Variants in SORL1 observed in about 807,000 individuals in gnomAD.
The protein encoded by SORL1 is sortilin-related receptor.
SORL1 carries 127 observed loss-of-function variants against 273.7 expected under a neutral mutation model. The observed-to-expected ratio is 0.46, with a 90% confidence interval of 0.40 to 0.54. The LOEUF is 0.54. Ranked by LOEUF, SORL1 falls within the 20% of genes least tolerant of loss-of-function variation. The pLI is 0.00. For synonymous variants in SORL1, 1,031 were observed against 1,067.4 expected (o/e 0.97, Z 0.66); for missense variants, 2,494 against 2,846.1 (o/e 0.88, Z 2.81).
intron 31 of SORL1, among the ~76,000 whole-genome samples, chr11:121,591,465 C>A (rs1863213631): frequency 6.6e-6 from 1 of 152,222 alleles, no homozygotes; most frequent in Non-Finnish European, 1.5e-5. Flanking sequence ...ACCTTTGCTG[C>A]CTTCTTAGTG....
chr11:121,584,369 A>G lies in SORL1; in HGVS notation c.3706+786A>G, dbSNP rs192706755. On this transcript the variant is annotated intron_variant, in intron 26 of 47. Coordinates refer to ENST00000260197, the MANE Select transcript of SORL1 (RefSeq NM_003105.6). Reference sequence around the variant, plus strand: ...TGTTTGCCTCATGTAGTTTTGATTTATACCTCTTTTAAAATACTTTTTCTA... The same window carrying G: ...TGTTTGCCTCATGTAGTTTTGATTTGTACCTCTTTTAAAATACTTTTTCTA... Among the ~76,000 whole-genome samples the G allele has an allele frequency of 2.6e-3, 400 of 152,314 alleles. 2 individuals are homozygous for G. The highest frequency in any genetic ancestry group is 4.6e-3 in the Non-Finnish European group (316 of 68,028).
rs543731384 is a variant in SORL1 at position 121,627,443 on chromosome 11, G to A, written c.6365-112G>A. 1 of 805,114 alleles carries A rather than the reference G, an allele frequency of 1.2e-6. No individual in the cohort carries two copies. Among genetic ancestry groups the A allele is most frequent in the African/African-American group, 1.7e-5 (1 of 59,150 alleles). 49.9% of individuals were successfully genotyped at this position (805,114 alleles called of 1,614,324 possible). On this transcript the variant is annotated intron_variant, in intron 46 of 47. Transcript: ENST00000260197. The surrounding 1 kb of genome is among the most constrained non-coding windows in gnomAD (Gnocchi z 4.9). Reference sequence around the variant, plus strand: ...ACGTCTCACACCAGACAGGCAGTTTGTGTAGCTGTGGCTATCGCCCAGCTT... The same window carrying A: ...ACGTCTCACACCAGACAGGCAGTTTATGTAGCTGTGGCTATCGCCCAGCTT...
At chr11:121,475,117 G>A (rs896037675) in intron 2 of SORL1, among the ~76,000 whole-genome samples, 7 of 151,984 alleles carry the variant, frequency 4.6e-5, no homozygotes, top group Non-Finnish European at 7.4e-5. Flanking sequence ...GCATGGTGGC[G>A]CCTGCCTGTA....
intron 45 of SORL1, among the ~76,000 whole-genome samples, chr11:121,624,375 T>G (rs977177010): frequency 2.6e-5 from 4 of 152,178 alleles, no homozygotes; most frequent in African/African-American, 9.7e-5. Context: ...GAAGTCAGGT[T>G]GTCAGCCCTC....
At chr11:121,541,920 A>G (rs931194517) in intron 12 of SORL1, among the ~76,000 whole-genome samples, 7 of 152,194 alleles carry the variant, frequency 4.6e-5, no homozygotes, top group African/African-American at 1.4e-4. Context: ...GACTTTCCTC[A>G]GTATATACTT....
At chr11:121,566,794 C>T (rs534631852) in intron 21 of SORL1, 146 bp from the exon 22 acceptor site, 15 of 691,152 alleles carry the variant, frequency 2.2e-5, no homozygotes, top group Non-Finnish European at 3.1e-5. Context: ...GCACAGTAGG[C>T]GCCCCAAAGC....
chr11:121,623,479 GA>G (rs1374556818), intron 45 of SORL1, among the ~76,000 whole-genome samples: 1 of 152,240 alleles, frequency 6.6e-6, no homozygotes, highest in East Asian at 1.9e-4. Flanking sequence ...ATGACAGCAA[GA>G]AAGAGGAAAC....
intron 3 of SORL1, among the ~76,000 whole-genome samples, chr11:121,484,834 A>C (rs191655937): frequency 6.6e-6 from 1 of 152,156 alleles, no homozygotes; most frequent in East Asian, 1.9e-4. Context: ...GCTCATTGCA[A>C]CCTCTGTCTC....
intron 6 of SORL1, among the ~76,000 whole-genome samples, chr11:121,500,023 T>C (rs1483532938): frequency 2.6e-5 from 4 of 152,238 alleles, no homozygotes. Flanking sequence ...GGCTTTATAA[T>C]GTGCTTTGTA....
At position 121,470,068 on chromosome 11, in the gene SORL1, T is replaced by C. The variant is rs777852927; in HGVS notation, c.347T>C (p.Val116Ala). 1.9e-6 allele frequency: 3 copies of C among 1,614,178 alleles called. No individual in the cohort carries two copies. Among genetic ancestry groups the C allele is most frequent in the Non-Finnish European group, 2.5e-6 (3 of 1,180,014 alleles). ...CACTGGGCTGGAGAGAAAAGCAACG[T>C]GATCGTGGCCTTGGCCCGAGATAGC... ...VVHWAGEKSN[V>A]IVALARDSLA... is the part of the protein sequence containing the mutation. Residue 116 changes from valine (V) to alanine (A), a missense_variant, in exon 2 of 48, where the codon GTG (valine) becomes GCG (alanine). This residue lies in a region of SORL1 where 710 missense variants were observed against 882.5 expected (regional missense o/e 0.80). Coordinates refer to ENST00000260197, the MANE Select transcript of SORL1 (RefSeq NM_003105.6).
At chr11:121,525,458 G>A (rs1162271610) in intron 11 of SORL1, among the ~76,000 whole-genome samples, 1 of 152,132 alleles carries the variant, frequency 6.6e-6, no homozygotes, top group East Asian at 1.9e-4. Flanking sequence ...TAAATACTTA[G>A]GAATGGAATA....
chr11:121,487,420 G>A (rs943690352), intron 3 of SORL1, among the ~76,000 whole-genome samples: 6 of 152,194 alleles, frequency 3.9e-5, no homozygotes, highest in Non-Finnish European at 7.3e-5. Flanking sequence ...GATGAGGCCC[G>A]TGCTCACCAG....
intron 8 of SORL1, among the ~76,000 whole-genome samples, chr11:121,517,396 G>A (rs150519984): frequency 9.9e-5 from 15 of 152,272 alleles, no homozygotes; most frequent in East Asian, 7.7e-4. Context: ...AGGTTCATCC[G>A]TGAGTACCAT....
chr11:121,465,031 A>G (rs1337521793), intron 1 of SORL1, among the ~76,000 whole-genome samples: 6 of 152,340 alleles, frequency 3.9e-5, no homozygotes, highest in East Asian at 3.9e-4. Flanking sequence ...TATATTTCAC[A>G]TTACATAAAA....
At chr11:121,514,463 C>G in intron 8 of SORL1, 142 bp downstream of exon 8, 4 of 776,934 alleles carry the variant, frequency 5.1e-6, no homozygotes, top group African/African-American at 1.8e-5. Flanking sequence ...GGCTCACGTG[C>G]GCAGAGATCA....
chr11:121,516,812 G>T (rs889777164), intron 8 of SORL1, among the ~76,000 whole-genome samples: 1 of 152,086 alleles, frequency 6.6e-6, no homozygotes, highest in African/African-American at 2.4e-5. Flanking sequence ...CCAGCACTTT[G>T]GGAGGCCAAG....
intron 12 of SORL1, among the ~76,000 whole-genome samples, chr11:121,538,683 T>A (rs140225241): frequency 4.5e-4 from 69 of 152,192 alleles, no homozygotes; most frequent in African/African-American, 1.5e-3. Flanking sequence ...TTTTTGGCAT[T>A]TATTTATTTT....
At chr11:121,487,388 C>T (rs1861491097) in intron 3 of SORL1, among the ~76,000 whole-genome samples, 1 of 152,198 alleles carries the variant, frequency 6.6e-6, no homozygotes, top group South Asian at 2.1e-4. Flanking sequence ...CAGATTCACT[C>T]ATCCACACAG....
Position 121,604,340 on chromosome 11 carries a change from CGGGCT to C in SORL1, c.4651+40_4651+44del, listed in dbSNP as rs746550595. On this transcript the variant is annotated intron_variant, in intron 33 of 47. Transcript: ENST00000260197. ...GCCTGCAGTGGTGAGTGCCGGTCCA[CGGGCT>C]GGGCTGGGCTGGGCTGGGCTGGGAG... 112 of 1,141,852 alleles carry C rather than the reference CGGGCT, an allele frequency of 9.8e-5. 1 individual carries two copies. Among genetic ancestry groups the C allele is most frequent in the South Asian group, 9.3e-4 (77 of 82,378 alleles). 70.7% of individuals were successfully genotyped at this position (1,141,852 alleles called of 1,614,324 possible). A position where few individuals can be genotyped will look rare whatever the true frequency, so the allele number is the denominator to read the frequency against.
Sources: allele counts gnomAD v4.1 joint callset (sites outside exome capture counted in the v4.1 genomes callset), GRCh38; gene constraint gnomAD v4.1.1; regional missense constraint gnomAD v4.1.1; non-coding constraint Gnocchi (gnomAD v3.1); transcripts MANE v1.5; gene names NCBI Gene and HGNC (gene_info 2026-07-23, HGNC 2026-07-21).